Variants in CPHXL2 observed in about 807,000 individuals in gnomAD.
CPHXL2 encodes the protein cytoplasmic polyadenylated homeobox like 2, also known as cytoplasmic polyadenylated homeobox-like protein 2.
At chr16:75,662,796 C>CTT in the CPHXL2 span, among the ~76,000 whole-genome samples, 218 of 123,118 alleles carry the variant, frequency 1.8e-3, 1 homozygote, top group African/African-American at 3.7e-3. Context: ...GGAGATAATT[C>CTT]TTTTTTTTTT....
chr16:75,671,983 A>G, the CPHXL2 span, among the ~76,000 whole-genome samples: 1 of 152,198 alleles, frequency 6.6e-6, no homozygotes, highest in Admixed American at 6.5e-5. Flanking sequence ...TAAAAAACTC[A>G]TTAATCTAAC....
chr16:75,673,360 G>A, the CPHXL2 span, among the ~76,000 whole-genome samples: 1 of 151,792 alleles, frequency 6.6e-6, no homozygotes, highest in Non-Finnish European at 1.5e-5. Context: ...CCTTTAGCCT[G>A]GGATTTGGAG....
chr16:75,663,883 C>T, the CPHXL2 span, among the ~76,000 whole-genome samples: 2 of 83,484 alleles, frequency 2.4e-5, no homozygotes, highest in African/African-American at 2.1e-4. Context: ...AAGACTCTGT[C>T]TCAAAAAAAA....
the CPHXL2 span, chr16:75,660,283 G>C: frequency 2.5e-6 from 1 of 398,470 alleles, no homozygotes; most frequent in Non-Finnish European, 4.4e-6. Flanking sequence ...CTGCATCCTT[G>C]GGTTCCTGTG....
chr16:75,660,956 G>A, the CPHXL2 span: 3 of 398,598 alleles, frequency 7.5e-6, no homozygotes, highest in African/African-American at 6.2e-5. Context: ...AAGAGCACAT[G>A]GAGCCCACCT....
the CPHXL2 span, among the ~76,000 whole-genome samples, chr16:75,662,940 A>G: frequency 6.6e-6 from 1 of 151,956 alleles, no homozygotes; most frequent in Non-Finnish European, 1.5e-5. Flanking sequence ...CTGGGACTAC[A>G]GGTGCCCGCC....
chr16:75,663,288 C>G, the CPHXL2 span, among the ~76,000 whole-genome samples: 2 of 152,194 alleles, frequency 1.3e-5, no homozygotes, highest in African/African-American at 2.4e-5. Context: ...AAAACCATGA[C>G]TAGGCACAAT....
At chr16:75,668,130 A>G in the CPHXL2 span, among the ~76,000 whole-genome samples, 1 of 151,900 alleles carries the variant, frequency 6.6e-6, no homozygotes, top group Non-Finnish European at 1.5e-5. Flanking sequence ...TACCCACTGT[A>G]TTTTCACAAA....
the CPHXL2 span, among the ~76,000 whole-genome samples, chr16:75,662,555 G>T: frequency 6.6e-6 from 1 of 151,924 alleles, no homozygotes; most frequent in Non-Finnish European, 1.5e-5. Flanking sequence ...TGTAGAAAAA[G>T]ACATAGCTTT....
chr16:75,671,658 C>A, the CPHXL2 span, among the ~76,000 whole-genome samples: 1 of 152,070 alleles, frequency 6.6e-6, no homozygotes, highest in Non-Finnish European at 1.5e-5. Context: ...AAACAAAAAA[C>A]CCCAAATAGA....
the CPHXL2 span, among the ~76,000 whole-genome samples, chr16:75,669,169 A>G: frequency 1.3e-5 from 2 of 152,032 alleles, no homozygotes; most frequent in Non-Finnish European, 2.9e-5. Context: ...TACAAAGCCC[A>G]GTGTGGTGGT....
chr16:75,664,496 G>A, the CPHXL2 span, among the ~76,000 whole-genome samples: 2 of 151,790 alleles, frequency 1.3e-5, no homozygotes, highest in East Asian at 1.9e-4. Flanking sequence ...ATGGCGGCAC[G>A]TGCCTGTAAT....
chr16:75,676,666 TTGTC>T, the CPHXL2 span, among the ~76,000 whole-genome samples: 1 of 152,196 alleles, frequency 6.6e-6, no homozygotes, highest in African/African-American at 2.4e-5. Flanking sequence ...CAGCCAGTCT[TTGTC>T]TGATCTAGAA....
At chr16:75,668,339 C>G in the CPHXL2 span, among the ~76,000 whole-genome samples, 1 of 151,630 alleles carries the variant, frequency 6.6e-6, no homozygotes, top group Admixed American at 6.6e-5. Flanking sequence ...AGCGATTCTC[C>G]TGTCTCAGCC....
chr16:75,666,496 T>A, the CPHXL2 span, among the ~76,000 whole-genome samples: 3 of 150,634 alleles, frequency 2.0e-5, no homozygotes, highest in East Asian at 5.8e-4. Flanking sequence ...TAATTCCAGC[T>A]ACGTGGGAGG....
chr16:75,675,936 G>A, the CPHXL2 span, among the ~76,000 whole-genome samples: 3 of 152,050 alleles, frequency 2.0e-5, no homozygotes, highest in African/African-American at 7.2e-5. Context: ...AAAATTAGCT[G>A]GGTGTGGTGG....
chr16:75,667,985 A>G, the CPHXL2 span, among the ~76,000 whole-genome samples: 50 of 152,074 alleles, frequency 3.3e-4, no homozygotes, highest in Admixed American at 1.6e-3. Context: ...TCAAACATCT[A>G]CAGTCTCATT....
chr16:75,671,361 C>CA, the CPHXL2 span, among the ~76,000 whole-genome samples: 18,392 of 126,300 alleles, frequency 0.15, 2,304 homozygotes, highest in East Asian at 0.62. Flanking sequence ...GACTCTGTAT[C>CA]AAAAAAAAAA....
chr16:75,676,020 A>C, the CPHXL2 span, among the ~76,000 whole-genome samples: 1 of 152,222 alleles, frequency 6.6e-6, no homozygotes, highest in South Asian at 2.1e-4. Flanking sequence ...TGGAGGTTGC[A>C]GTGAGCCGAG....
Sources: gnomAD v4.1 joint callset for allele counts (sites outside exome capture counted in the v4.1 genomes callset) on GRCh38, gnomAD v4.1.1 for gene constraint, MANE v1.5 for transcripts, NCBI Gene and HGNC (gene_info 2026-07-23, HGNC 2026-07-21) for gene names.